The following DLG2 variants were observed in gnomAD, a reference collection of about 807,000 sequenced individuals.
DLG2 encodes the protein discs large MAGUK scaffold protein 2.
In DLG2, 45 loss-of-function variants were observed where a neutral mutation model predicts 132.5. The observed-to-expected ratio is 0.34, with a 90% CI of 0.27 to 0.44. The LOEUF (loss-of-function observed/expected upper bound fraction) is 0.44. DLG2 is among the 20% of genes least tolerant of loss of function. The pLI, the probability that DLG2 is intolerant of heterozygous loss-of-function variation, is 1.00. For missense variants in DLG2, 1,045 were observed against 1,196.9 expected (o/e 0.87, Z 1.87); for synonymous variants, 424 against 419.6 (o/e 1.01, Z -0.13).
In DLG2 at chr11:85,180,246, A is replaced by G. The variant is rs527551130; in HGVS notation, c.187-25595T>C. On this transcript the variant is annotated intron_variant, in intron 4 of 27. Coordinates refer to ENST00000376104, the MANE Select transcript of DLG2 (RefSeq NM_001142699.3). ...CATACTGAGAAATCCACCAGAGAAC[A>G]GTTGTAATTACTTCTGAATCTTGTG... Among the ~76,000 whole-genome samples the G allele has an allele frequency of 4.6e-5, 7 of 152,002 alleles. No homozygotes were observed. The East Asian group carries it at 1.4e-3, about 29-fold the overall frequency.
chr11:84,439,927 A>G (rs1371648664), intron 7 of DLG2, among the ~76,000 whole-genome samples: 1 of 152,208 alleles, frequency 6.6e-6, no homozygotes, highest in South Asian at 2.1e-4. Flanking sequence ...TCATAGAGAG[A>G]ATCAAAGGAT....
At chr11:84,304,503 A>G (rs572084591) in intron 7 of DLG2, among the ~76,000 whole-genome samples, 129 of 152,358 alleles carry the variant, frequency 8.5e-4, no homozygotes, top group Middle Eastern at 3.4e-3. Flanking sequence ...CCGATAACCT[A>G]GCACAGAGGT....
rs35572754 is a variant in DLG2, at chr11:83,743,429, A to ATTT, written c.1825+43258_1825+43260dup. Among the ~76,000 whole-genome samples the ATTT allele has an allele frequency of 1.2e-3, 121 of 103,780 alleles. 5 individuals carry two copies. Among genetic ancestry groups the ATTT allele is most frequent in the Middle Eastern group, 5.0e-3 (1 of 202 alleles). The allele number at this position is 103,780 out of a possible 152,430, so 68.1% of individuals were successfully genotyped here. ...CAATGTACATAACAGTGGGCAGGCC[A>ATTT]TTTTTTTTTTTTTTTTTTTTATGAC... is the stretch of plus-strand genomic sequence containing the variant. On this transcript the variant is annotated intron_variant, in intron 18 of 27. Transcript: ENST00000376104.
At chr11:84,841,004 AT>A (rs969281505) in intron 6 of DLG2, among the ~76,000 whole-genome samples, 4 of 150,812 alleles carry the variant, frequency 2.7e-5, no homozygotes, top group South Asian at 2.1e-4. Flanking sequence ...AAAAAAAAAA[AT>A]AGTAAAAAAA....
chr11:85,579,651 A>G (rs1189562944), intron 3 of DLG2, among the ~76,000 whole-genome samples: 2 of 152,114 alleles, frequency 1.3e-5, no homozygotes, highest in Admixed American at 1.3e-4. Context: ...TAGCTTCAGG[A>G]GAAAATAGGA....
chr11:83,999,437 C>T (rs181679354), intron 11 of DLG2, among the ~76,000 whole-genome samples: 2 of 152,250 alleles, frequency 1.3e-5, no homozygotes, highest in Admixed American at 1.3e-4. Flanking sequence ...GTTGTCCTAC[C>T]ACTATCACTG....
At chr11:83,569,729 T>C (rs563234941) in intron 19 of DLG2, among the ~76,000 whole-genome samples, 2 of 152,296 alleles carry the variant, frequency 1.3e-5, no homozygotes, top group South Asian at 2.1e-4. Context: ...ATAGAGGACA[T>C]GTCACACAAC....
intron 3 of DLG2, among the ~76,000 whole-genome samples, chr11:85,362,566 T>C (rs901234129): frequency 6.6e-6 from 1 of 152,072 alleles, no homozygotes; most frequent in Non-Finnish European, 1.5e-5. Context: ...TGAGCAGAAA[T>C]AATTTGACTT....
intron 3 of DLG2, among the ~76,000 whole-genome samples, chr11:85,526,940 AC>A (rs2074801184): frequency 6.6e-6 from 1 of 152,188 alleles, no homozygotes; most frequent in South Asian, 2.1e-4. Flanking sequence ...GATGTAAATC[AC>A]TTTTTCAATG....
At chr11:85,217,974 G>T (rs545421655) in intron 4 of DLG2, among the ~76,000 whole-genome samples, 1 of 152,152 alleles carries the variant, frequency 6.6e-6, no homozygotes, top group South Asian at 2.1e-4. Flanking sequence ...TGAAAGGCGG[G>T]GGTCAAGCTT....
intron 7 of DLG2, among the ~76,000 whole-genome samples, chr11:84,359,251 T>A (rs1423947994): frequency 6.6e-6 from 1 of 151,882 alleles, no homozygotes; most frequent in East Asian, 1.9e-4. Context: ...AACTGAGAAA[T>A]GAATCAATAT....
At chr11:84,555,190 TAGTG>T (rs2099409542) in intron 6 of DLG2, among the ~76,000 whole-genome samples, 2 of 152,124 alleles carry the variant, frequency 1.3e-5, no homozygotes, top group African/African-American at 2.4e-5. Context: ...CTTGAACTCT[TAGTG>T]AGCCTGTAAG....
At chr11:85,454,306 C>A (rs768763827) in intron 3 of DLG2, among the ~76,000 whole-genome samples, 6 of 151,868 alleles carry the variant, frequency 4.0e-5, no homozygotes, top group Non-Finnish European at 8.8e-5. Context: ...TGATGTTGAG[C>A]ATTTCTTATT....
intron 18 of DLG2, among the ~76,000 whole-genome samples, chr11:83,651,428 C>T (rs966175970): frequency 6.6e-6 from 1 of 152,148 alleles, no homozygotes; most frequent in African/African-American, 2.4e-5. Flanking sequence ...TGAAACTGTC[C>T]ATTCTTCTCA....
chr11:83,608,745 G>A (rs1248665479), intron 19 of DLG2, among the ~76,000 whole-genome samples: 1 of 150,980 alleles, frequency 6.6e-6, no homozygotes, highest in Non-Finnish European at 1.5e-5. Context: ...GAGAGAGAGA[G>A]AGAGAAAGAG....
At chr11:84,073,898 C>A (rs2096789853) in intron 10 of DLG2, among the ~76,000 whole-genome samples, 1 of 152,150 alleles carries the variant, frequency 6.6e-6, no homozygotes, top group African/African-American at 2.4e-5. Flanking sequence ...TAAAAGCCAA[C>A]CAACATATAC....
chr11:84,853,094 A>G (rs965976740), intron 6 of DLG2, among the ~76,000 whole-genome samples: 5 of 152,036 alleles, frequency 3.3e-5, no homozygotes, highest in Non-Finnish European at 7.4e-5. Flanking sequence ...CTTCAGTTTT[A>G]TTGATGAAAA....
chr11:83,643,015 C>G (rs928296623), intron 18 of DLG2, among the ~76,000 whole-genome samples: 2 of 152,100 alleles, frequency 1.3e-5, no homozygotes, highest in Admixed American at 1.3e-4. Context: ...TTTATATTCC[C>G]TGTCTATAAA....
At chr11:84,320,382 T>C (rs2098397833) in intron 7 of DLG2, among the ~76,000 whole-genome samples, 1 of 152,160 alleles carries the variant, frequency 6.6e-6, no homozygotes. Context: ...AATGAAAATA[T>C]TAATAATAAA....
Sources: allele counts gnomAD v4.1 joint callset (sites outside exome capture counted in the v4.1 genomes callset), GRCh38; gene constraint gnomAD v4.1.1; transcripts MANE v1.5; gene names NCBI Gene and HGNC (gene_info 2026-07-23, HGNC 2026-07-21).